The following TRAK1 variants were observed in gnomAD, a reference collection of about 807,000 sequenced individuals.
TRAK1 encodes the protein trafficking kinesin protein 1.
In TRAK1, 33 loss-of-function variants were observed where a neutral mutation model predicts 92.1. The ratio of observed to expected loss-of-function variants is 0.36; its 90% CI spans 0.27 to 0.48. The LOEUF is 0.48. Among genes scored for constraint, TRAK1 ranks in the 20% least tolerant of loss-of-function variants. The pLI is 0.99. For synonymous variants in TRAK1, 521 were observed against 517.3 expected (o/e 1.01, Z -0.10); for missense variants, 1,123 against 1,257.9 (o/e 0.89, Z 1.62).
rs1330166985 is a variant in TRAK1 at position 42,187,988 on chromosome 3, G to GA, written c.481-57_481-56insA. On this transcript the variant is annotated intron_variant, in intron 4 of 15. Transcript: ENST00000327628. The stretch of plus-strand genomic sequence containing the variant: ...AGTGTTAAGTGTTGGAATGTGAGTC[G>GA]GGGGGGACAGTATCACCTTTTGGGA... The GA allele has an allele frequency of 9.4e-5, 133 of 1,410,072 alleles. No individual in the cohort carries two copies. The African/African-American group carries it at 1.8e-3, about 19-fold the overall frequency. 87.3% of individuals were successfully genotyped at this position (1,410,072 alleles called of 1,614,324 possible).
chr3:42,086,454 C>T (rs1008129332), upstream of TRAK1, among the ~76,000 whole-genome samples: 10 of 151,952 alleles, frequency 6.6e-5, no homozygotes, highest in East Asian at 9.7e-4. Flanking sequence ...TACAGGTGCC[C>T]GCTACCATAC....
At chr3:42,071,272 C>CTT (rs1703920107) in intron 1 of TRAK1, among the ~76,000 whole-genome samples, 1 of 152,208 alleles carries the variant, frequency 6.6e-6, no homozygotes, top group South Asian at 2.1e-4. Context: ...TCCCGGACCT[C>CTT]TTTCTCACTC....
intron 15 of TRAK1, 101 bp downstream of exon 15, chr3:42,219,697 A>C: frequency 6.6e-6 from 9 of 1,358,610 alleles, no homozygotes; most frequent in East Asian, 2.4e-5. Context: ...AGAGAGGCTC[A>C]TAGAAAAACC....
intron 1 of TRAK1, among the ~76,000 whole-genome samples, chr3:42,075,911 C>T (rs1251436061): frequency 3.3e-5 from 5 of 152,216 alleles, no homozygotes; most frequent in Middle Eastern, 3.4e-3. Context: ...GGCACGATCT[C>T]GACTCACTGC....
intron 1 of TRAK1, among the ~76,000 whole-genome samples, chr3:42,095,002 A>G (rs1231434786): frequency 2.0e-5 from 3 of 152,212 alleles, no homozygotes; most frequent in Non-Finnish European, 4.4e-5. Flanking sequence ...CACTCACAGT[A>G]AGGAGGCATC....
chr3:42,016,935 A>G (rs1006105733), intron 1 of TRAK1, among the ~76,000 whole-genome samples: 3 of 152,188 alleles, frequency 2.0e-5, no homozygotes, highest in African/African-American at 7.2e-5. Flanking sequence ...GCCTCTTCAC[A>G]TATATGATTC....
intron 1 of TRAK1, among the ~76,000 whole-genome samples, chr3:42,072,068 A>G (rs1224815704): frequency 6.6e-6 from 1 of 152,172 alleles, no homozygotes; most frequent in Non-Finnish European, 1.5e-5. Context: ...CTCTCTGAGA[A>G]CTGCCTCCAT....
intron 13 of TRAK1, among the ~76,000 whole-genome samples, chr3:42,208,281 A>G (rs895896012): frequency 3.9e-5 from 6 of 152,058 alleles, no homozygotes; most frequent in African/African-American, 1.5e-4. Flanking sequence ...GGTGTCTGGG[A>G]ACTCTTTAAA....
At chr3:42,126,312 G>T (rs1710551048) in intron 2 of TRAK1, among the ~76,000 whole-genome samples, 1 of 152,116 alleles carries the variant, frequency 6.6e-6, no homozygotes, top group Admixed American at 6.5e-5. Flanking sequence ...AGCAAAATAT[G>T]TGTACCAAGG....
intron 1 of TRAK1, among the ~76,000 whole-genome samples, chr3:42,077,566 G>C (rs1704215923): frequency 6.6e-6 from 1 of 152,192 alleles, no homozygotes; most frequent in African/African-American, 2.4e-5. Flanking sequence ...TGGGATACAG[G>C]CGTGAGCCAC....
chr3:42,153,281 A>G (rs1382851247), intron 2 of TRAK1, among the ~76,000 whole-genome samples: 3 of 152,106 alleles, frequency 2.0e-5, no homozygotes, highest in Middle Eastern at 3.2e-3. Context: ...GCATGCGCCT[A>G]TAGTCCCAGC....
intron 2 of TRAK1, among the ~76,000 whole-genome samples, chr3:42,163,979 G>A (rs993919991): frequency 1.3e-5 from 2 of 152,200 alleles, no homozygotes; most frequent in Non-Finnish European, 2.9e-5. Flanking sequence ...TCACTTTTAA[G>A]GTTTGCTCCT....
intron 1 of TRAK1, among the ~76,000 whole-genome samples, chr3:42,027,822 G>A (rs1462424497): frequency 6.6e-6 from 1 of 152,108 alleles, no homozygotes; most frequent in Non-Finnish European, 1.5e-5. Context: ...GAATCATAAA[G>A]TAGGAAGCCT....
chr3:42,120,539 C>G (rs887467822), intron 1 of TRAK1, among the ~76,000 whole-genome samples: 4 of 151,796 alleles, frequency 2.6e-5, no homozygotes, highest in Non-Finnish European at 4.4e-5. Context: ...GCTTCCTGTG[C>G]TTTTTTTTGT....
intron 1 of TRAK1, among the ~76,000 whole-genome samples, chr3:42,066,418 A>G (rs779193882): frequency 1.1e-4 from 16 of 151,878 alleles, no homozygotes; most frequent in Non-Finnish European, 1.9e-4. Context: ...CTGAAATGGG[A>G]TGGTCATGGA....
intron 1 of TRAK1, among the ~76,000 whole-genome samples, chr3:42,111,420 G>C (rs1189198901): frequency 6.6e-6 from 1 of 150,514 alleles, no homozygotes; most frequent in African/African-American, 2.4e-5. Context: ...TTTTGAGACG[G>C]AGTCTCACTC....
intron 1 of TRAK1, among the ~76,000 whole-genome samples, chr3:42,069,820 T>C (rs1268860421): frequency 6.6e-6 from 1 of 152,180 alleles, no homozygotes; most frequent in East Asian, 1.9e-4. Context: ...TGTATGCAGT[T>C]ATGATTTTTC....
intron 2 of TRAK1, among the ~76,000 whole-genome samples, chr3:42,157,792 T>C (rs1190892265): frequency 6.6e-6 from 1 of 152,208 alleles, no homozygotes; most frequent in Non-Finnish European, 1.5e-5. Flanking sequence ...TAAAGGATGT[T>C]ATTGGGACAA....
At position 42,202,500 on chromosome 3, in the gene TRAK1, G is replaced by T; in HGVS notation, c.1492G>T (p.Ala498Ser). 6.6e-7 allele frequency: 1 copy of T among 1,519,384 alleles called. No individual in the cohort carries two copies. Among genetic ancestry groups the T allele is most frequent in the Non-Finnish European group, 8.9e-7 (1 of 1,128,834 alleles). 94.1% of individuals were successfully genotyped at this position (1,519,384 alleles called of 1,614,324 possible). ...CCCAGGCTCCCACGACCTGGAGACG[G>T]CGCTGAGGCGGCTGTCCCTGCGCCG... ...GTPGSHDLET[A>S]LRRLSLRREN... Residue 498 changes from alanine to serine, a missense_variant, in exon 13 of 16, where the codon GCG becomes TCG. Ala to Ser is a moderately conservative substitution (Grantham distance 99). This residue lies in a region of TRAK1 where 686 missense variants were observed against 747.6 expected (regional missense o/e 0.92). Coordinates refer to ENST00000327628, the MANE Select transcript of TRAK1 (RefSeq NM_001042646.3). This position sits in a 1 kb window ranked among gnomAD's most constrained non-coding sequence, Gnocchi z 6.1.
Sources: gnomAD v4.1 joint callset for allele counts (sites outside exome capture counted in the v4.1 genomes callset) on GRCh38, gnomAD v4.1.1 for gene constraint, gnomAD v4.1.1 regional missense constraint, Gnocchi (gnomAD v3.1) non-coding constraint, MANE v1.5 for transcripts, NCBI Gene and HGNC (gene_info 2026-07-23, HGNC 2026-07-21) for gene names.